The following ZFC3H1 variants were observed in gnomAD, a reference collection of about 807,000 sequenced individuals.
The protein encoded by ZFC3H1 is zinc finger C3H1-type containing, also known as zinc finger C3H1 domain-containing protein.
In ZFC3H1, 71 loss-of-function variants were observed where a neutral mutation model predicts 243.7. The ratio of observed to expected loss-of-function variants is 0.29; its 90% CI spans 0.24 to 0.36. The LOEUF is 0.36. ZFC3H1 is among the 10% of genes least tolerant of loss of function. ZFC3H1 has a pLI of 1.00. For missense variants in ZFC3H1, 1,966 were observed against 2,317.1 expected, an observed-to-expected ratio of 0.85 and a Z score of 3.11; for synonymous variants, 838 against 813.0, an observed-to-expected ratio of 1.03 and a Z score of -0.52.
chr12:71,619,347 C>A lies in ZFC3H1; in HGVS notation c.5112G>T (p.Gly1704=). The A allele has an allele frequency of 1.2e-6, 2 of 1,613,628 alleles. No homozygotes were observed. Among genetic ancestry groups the A allele is most frequent in the East Asian group, 2.2e-5 (1 of 44,802 alleles). Residue 1704 remains glycine (G), a synonymous_variant, in exon 27 of 35, where the codon GGG becomes GGT. Coordinates refer to ENST00000378743, the MANE Select transcript of ZFC3H1 (RefSeq NM_144982.5). ...GATCCAAGTTATTATACTTCTCAAA[C>A]CCCGGTTTAAAGAAGGATGCAATAA... ...RKFIASFFKP[G]FEKYNNLDLF...
intron 9 of ZFC3H1, among the ~76,000 whole-genome samples, chr12:71,635,974 T>C (rs1416843021): frequency 6.6e-6 from 1 of 152,202 alleles, no homozygotes; most frequent in Non-Finnish European, 1.5e-5. Context: ...ACAGGAAAGA[T>C]TTCAACTTGT....
rs748151235 is a variant in ZFC3H1, at chr12:71,613,415, G to A, written c.5547C>T (p.Ser1849=). 6.2e-7 allele frequency: 1 copy of A among 1,608,134 alleles called. No homozygotes were observed. The highest frequency in any genetic ancestry group is 1.1e-5 in the South Asian group (1 of 90,224). The change falls in exon 31 of 35, where the codon AGC becomes AGT. Residue 1849 remains serine (S), a synonymous_variant. Coordinates refer to ENST00000378743, the MANE Select transcript of ZFC3H1 (RefSeq NM_144982.5). ...TGGAATGCTGGGTCTTTGGAACACA[G>A]CTCAAATAAAAGAAAATAACCTGTA... is the stretch of plus-strand genomic sequence containing the variant. ...FHNRVIFFYL[S]CVPKTQHSKT...
At chr12:71,641,587 T>C (rs1185590355) in intron 6 of ZFC3H1, among the ~76,000 whole-genome samples, 1 of 152,230 alleles carries the variant, frequency 6.6e-6, no homozygotes, top group Admixed American at 6.5e-5. Context: ...ATCAAGTCTC[T>C]GGCCCTCAAA....
Position 71,632,532 on chromosome 12 carries a change from T to A in ZFC3H1, c.2818-18A>T. The A allele has an allele frequency of 6.5e-7, 1 of 1,528,870 alleles. No individual in the cohort carries two copies. Among genetic ancestry groups the A allele is most frequent in the Non-Finnish European group, 8.7e-7 (1 of 1,151,644 alleles). 94.7% of individuals were successfully genotyped at this position (1,528,870 alleles called of 1,614,324 possible). The stretch of plus-strand genomic sequence containing the variant: ...TTGTTTGGCTAAGGGAGAAAAATGA[T>A]ACACGTATTTTACATCACTGTGATT... On this transcript the variant is annotated intron_variant, in intron 14 of 34. Transcript: ENST00000378743.
In ZFC3H1 at chr12:71,619,307, C is replaced by A; in HGVS notation, c.5144+8G>T. On this transcript the variant is annotated splice_region_variant and intron_variant, in intron 27 of 34. Transcript: ENST00000378743. ...ATTCCTCTACAAACTAAGAATTCTA[C>A]AACTTACCGAAACAGATCCAAGTTA... The A allele has an allele frequency of 1.2e-6, 2 of 1,612,052 alleles. No individual in the cohort carries two copies. The highest frequency in any genetic ancestry group is 1.7e-6 in the Non-Finnish European group (2 of 1,178,786).
At chr12:71,622,726 C>T (rs1880063537) in intron 24 of ZFC3H1, among the ~76,000 whole-genome samples, 1 of 152,156 alleles carries the variant, frequency 6.6e-6, no homozygotes, top group South Asian at 2.1e-4. Context: ...GCCTCCTTGG[C>T]TGGGATTACA....
chr12:71,649,258 C>T (rs181516168), intron 2 of ZFC3H1, among the ~76,000 whole-genome samples: 78 of 152,306 alleles, frequency 5.1e-4, no homozygotes, highest in African/African-American at 1.8e-3. Context: ...CTTCAAACAT[C>T]TATCAAATAC....
At chr12:71,633,039 T>C (rs1383949090) in intron 13 of ZFC3H1, 22 bp from the exon 14 acceptor site, 2 of 1,565,978 alleles carry the variant, frequency 1.3e-6, no homozygotes, top group Non-Finnish European at 1.7e-6. Flanking sequence ...AGAATAATCC[T>C]GAAAATGTAA....
At chr12:71,610,921 CT>C in intron 33 of ZFC3H1, 136 bp downstream of exon 33, 1 of 1,442,078 alleles carries the variant, frequency 6.9e-7, no homozygotes, top group Non-Finnish European at 9.5e-7. Flanking sequence ...ATGTTAACTA[CT>C]TTTGTTTCCC....
chr12:71,647,375 C>A (rs1880754444), intron 3 of ZFC3H1, among the ~76,000 whole-genome samples: 1 of 151,990 alleles, frequency 6.6e-6, no homozygotes, highest in African/African-American at 2.4e-5. Context: ...ACTCAGTTAA[C>A]AAGAAGTGGA....
chr12:71,620,451 C>T (rs1879997983), intron 24 of ZFC3H1, 136 bp from the exon 25 acceptor site: 1 of 831,380 alleles, frequency 1.2e-6, no homozygotes, highest in Non-Finnish European at 1.9e-6. Flanking sequence ...ATCTTATTCA[C>T]CTTTACTGAG....
At position 71,623,250 on chromosome 12, in the gene ZFC3H1, G is replaced by T. The variant is rs1880077574; in HGVS notation, c.4744+110C>A. 6.6e-6 allele frequency: 6 copies of T among 913,126 alleles called. No individual in the cohort carries two copies. In the South Asian group the frequency reaches 1.0e-4, roughly 15 times the overall value. The allele number at this position is 913,126 out of a possible 1,614,324, so 56.6% of individuals were successfully genotyped here. A position where few individuals can be genotyped will look rare whatever the true frequency, so the allele number is the denominator to read the frequency against. On this transcript the variant is annotated intron_variant, in intron 24 of 34. Transcript: ENST00000378743. ...GTGAAACTAAAACTTGCAATATAGA[G>T]ATATAAATTTGTTCCACTTAATTAC...
At chr12:71,651,457 A>T (rs748843474) in intron 2 of ZFC3H1, among the ~76,000 whole-genome samples, 2 of 152,220 alleles carry the variant, frequency 1.3e-5, no homozygotes, top group South Asian at 4.1e-4. Flanking sequence ...CCATGAAAAC[A>T]TAAGTGACTA....
chr12:71,628,924 T>A lies in ZFC3H1; in HGVS notation c.3940A>T (p.Lys1314Ter). Residue 1314 changes from lysine to a stop codon, truncating the protein, a stop_gained, in exon 20 of 35, where the codon AAG (lysine) becomes TAG (stop). Transcript: ENST00000378743. LOFTEE classifies it high-confidence loss of function. Reference protein sequence around the residue: ...SDEEQSTGPIKYAFQPENQIN... With the variant: ...SDEEQSTGPI Reference sequence around the variant, plus strand: ...AAATTACATAACTTCTTACCATACTTAATTGGTCCTGTAGACTGTTCCTCA... The same window carrying A: ...AAATTACATAACTTCTTACCATACTAAATTGGTCCTGTAGACTGTTCCTCA... The A allele has an allele frequency of 6.3e-7, 1 of 1,591,098 alleles. No individual in the cohort carries two copies. The highest frequency in any genetic ancestry group is 8.5e-7 in the Non-Finnish European group (1 of 1,172,666).
rs1005918336 is a variant in ZFC3H1, at chr12:71,629,521, A to G, written c.3826+88T>C. 7 of 885,294 alleles carry G rather than the reference A, an allele frequency of 7.9e-6. No homozygotes were observed. In the African/African-American group the frequency reaches 1.0e-4, roughly 13 times the overall value. 54.8% of individuals were successfully genotyped at this position (885,294 alleles called of 1,614,324 possible). On this transcript the variant is annotated intron_variant, in intron 19 of 34. Transcript: ENST00000378743. ...AATACCAACAAAATTTCTGTCATAC[A>G]GAAACTAAAAAGTCCTTTTCAGAAA...
At chr12:71,613,695 G>C (rs1391505622) in intron 30 of ZFC3H1, 3 of 302,446 alleles carry the variant, frequency 9.9e-6, no homozygotes, top group African/African-American at 4.3e-5. Flanking sequence ...TCATTCCTGA[G>C]TCTACCTTTA....
chr12:71,634,307 A>G lies in ZFC3H1; in HGVS notation c.2361-3T>C, dbSNP rs2137537367. ...TAATCAAACGCTGTTTCTCACGGCT[A>G]AAATTATCAAAAAGGATATATGCAT... On this transcript the variant is annotated splice_region_variant and splice_polypyrimidine_tract_variant and intron_variant, in intron 11 of 34. Coordinates refer to ENST00000378743, the MANE Select transcript of ZFC3H1 (RefSeq NM_144982.5). 6.2e-7 allele frequency: 1 copy of G among 1,611,884 alleles called. No homozygotes were observed. Among genetic ancestry groups the G allele is most frequent in the Middle Eastern group, 1.7e-4 (1 of 6,046 alleles).
At chr12:71,645,309 G>C (rs1880701240) in intron 3 of ZFC3H1, among the ~76,000 whole-genome samples, 2 of 152,192 alleles carry the variant, frequency 1.3e-5, no homozygotes, top group Admixed American at 1.3e-4. Flanking sequence ...ATGTAATGTA[G>C]GGTTGGTAAG....
chr12:71,611,036 C>G (rs11178873), intron 33 of ZFC3H1, 22 bp downstream of exon 33: 2 of 1,594,294 alleles, frequency 1.3e-6, no homozygotes, highest in South Asian at 1.2e-5. Context: ...AGTGACCCAT[C>G]TGAGATTCAA....
Sources: gnomAD v4.1 joint callset for allele counts (sites outside exome capture counted in the v4.1 genomes callset) on GRCh38, gnomAD v4.1.1 for gene constraint, MANE v1.5 for transcripts, NCBI Gene and HGNC (gene_info 2026-07-23, HGNC 2026-07-21) for gene names.